The following XRCC5 variants were observed in gnomAD, a reference collection of about 807,000 sequenced individuals.
XRCC5 encodes DNA repair protein Ku80.
A neutral mutation model predicts 95.7 loss-of-function variants in XRCC5; 12 were observed. The observed-to-expected ratio is 0.13, with a 90% confidence interval of 0.08 to 0.20. XRCC5 has a LOEUF of 0.20. Ranked by LOEUF, XRCC5 falls within the 10% of genes least tolerant of loss-of-function variation. XRCC5 has a pLI of 1.00. For synonymous variants in XRCC5, 281 were observed against 290.3 expected (o/e 0.97, Z 0.33); for missense variants, 595 against 873.9 (o/e 0.68, Z 4.02).
intron 19 of XRCC5, among the ~76,000 whole-genome samples, chr2:216,202,445 CATAT>C (rs746932381): frequency 2.0e-5 from 3 of 152,258 alleles, no homozygotes; most frequent in Non-Finnish European, 2.9e-5. Context: ...ACAGATAAAT[CATAT>C]GCTAGTAAAT....
chr2:216,204,284 A>T (rs556975922), intron 19 of XRCC5, 38 bp from the exon 20 acceptor site: 2 of 1,611,730 alleles, frequency 1.2e-6, no homozygotes, highest in South Asian at 2.2e-5. Context: ...AGGGGCAAAA[A>T]TATCATTTTG....
chr2:216,198,533 TTTTATTTATTTA>T lies in XRCC5; in HGVS notation c.2109+3576_2109+3587del, dbSNP rs3080564. On this transcript the variant is annotated intron_variant, in intron 19 of 20. Coordinates refer to ENST00000392132, the MANE Select transcript of XRCC5 (RefSeq NM_021141.4). ...ACTTGATCCTTTGTATGAAAAATGC[TTTTATTTATTTA>T]TTTATTTATTTATTTATTTATTTAT... Among the ~76,000 whole-genome samples, 439 of 147,888 alleles carry T rather than the reference TTTTATTTATTTA, an allele frequency of 3.0e-3. 2 individuals are homozygous for T. The highest frequency in any genetic ancestry group is 7.9e-3 in the African/African-American group (317 of 40,260).
intron 16 of XRCC5, among the ~76,000 whole-genome samples, chr2:216,168,404 T>A (rs924980958): frequency 6.6e-6 from 1 of 152,132 alleles, no homozygotes; most frequent in East Asian, 1.9e-4. Context: ...GATGAAATCA[T>A]TGAAATAGAG....
chr2:216,160,020 TG>T, intron 14 of XRCC5, 47 bp from the exon 15 acceptor site: 2 of 1,006,268 alleles, frequency 2.0e-6, no homozygotes, highest in East Asian at 2.8e-5. Context: ...AATAGCAATC[TG>T]GTTTTGTATT....
At chr2:216,113,660 G>T (rs1696634222) in intron 2 of XRCC5, among the ~76,000 whole-genome samples, 1 of 152,218 alleles carries the variant, frequency 6.6e-6, no homozygotes, top group Admixed American at 6.5e-5. Flanking sequence ...TGGGGCTGGA[G>T]TCACCCAAAG....
chr2:216,194,980 C>A lies in XRCC5; in HGVS notation c.2103C>A (p.Ala701=). 1.9e-6 allele frequency: 3 copies of A among 1,613,522 alleles called. No homozygotes were observed. The highest frequency in any genetic ancestry group is 2.5e-6 in the Non-Finnish European group (3 of 1,179,732). ...ASGSSVTAEE[A]KKFLAPKDKP... ...GAAGTTCTGTCACAGCTGAGGAAGC[C>A]AAAAAGGTATTGAGGGGTAAACCTT... Residue 701 remains alanine (A), a synonymous_variant, in exon 19 of 21, where the codon GCC becomes GCA. Transcript: ENST00000392132.
At chr2:216,148,934 T>C (rs1688690061) in intron 14 of XRCC5, among the ~76,000 whole-genome samples, 1 of 152,230 alleles carries the variant, frequency 6.6e-6, no homozygotes, top group Non-Finnish European at 1.5e-5. Context: ...AAATTGTTGT[T>C]GCTTATCCAG....
At chr2:216,172,190 A>ACATT (rs1263428835) in intron 16 of XRCC5, among the ~76,000 whole-genome samples, 3 of 152,242 alleles carry the variant, frequency 2.0e-5, no homozygotes, top group African/African-American at 7.2e-5. Flanking sequence ...CGGTGGTGGA[A>ACATT]CATTCTATAG....
intron 14 of XRCC5, among the ~76,000 whole-genome samples, chr2:216,156,140 C>A (rs1302069605): frequency 6.6e-6 from 1 of 152,220 alleles, no homozygotes; most frequent in Admixed American, 6.5e-5. Context: ...TACTTTCATA[C>A]AGATTTCACA....
At chr2:216,144,010 C>T (rs1457183356) in intron 13 of XRCC5, among the ~76,000 whole-genome samples, 1 of 152,064 alleles carries the variant, frequency 6.6e-6, no homozygotes, top group Non-Finnish European at 1.5e-5. Flanking sequence ...CCACTGCACC[C>T]GGCCAAGCTT....
chr2:216,125,347 G>A (rs903513379), intron 6 of XRCC5, among the ~76,000 whole-genome samples: 5 of 152,062 alleles, frequency 3.3e-5, no homozygotes, highest in South Asian at 4.2e-4. Context: ...ACAGCCATGC[G>A]CCACCACACC....
chr2:216,191,514 G>A lies in XRCC5; in HGVS notation c.1945-1125G>A, dbSNP rs1026605260. Among the ~76,000 whole-genome samples the A allele has an allele frequency of 8.6e-5, 13 of 151,636 alleles. 1 individual carries two copies. Among genetic ancestry groups the A allele is most frequent in the South Asian group, 6.3e-4 (3 of 4,800 alleles). On this transcript the variant is annotated intron_variant, in intron 17 of 20. Transcript: ENST00000392132. Reference sequence around the variant, plus strand: ...CAACCTCTGCCTCCCAGGCTCAAGCGATTCTCCTGCCTCAGCCTCCCGAGT... The same window carrying A: ...CAACCTCTGCCTCCCAGGCTCAAGCAATTCTCCTGCCTCAGCCTCCCGAGT...
intron 13 of XRCC5, among the ~76,000 whole-genome samples, chr2:216,146,183 C>T (rs1443243070): frequency 2.0e-5 from 3 of 152,108 alleles, no homozygotes; most frequent in Admixed American, 6.5e-5. Flanking sequence ...AATGAATATA[C>T]TATGGAGAAG....
chr2:216,154,452 G>T (rs760249783), intron 14 of XRCC5, among the ~76,000 whole-genome samples: 7 of 152,188 alleles, frequency 4.6e-5, no homozygotes, highest in Non-Finnish European at 1.0e-4. Flanking sequence ...GCTCTTAATA[G>T]CATCGCCCAC....
chr2:216,141,349 T>A (rs1034860490), intron 13 of XRCC5, 30 bp downstream of exon 13: 1 of 1,613,118 alleles, frequency 6.2e-7, no homozygotes, highest in Non-Finnish European at 8.5e-7. Flanking sequence ...CAAGTCATAT[T>A]TCTTTTAAAT....
intron 16 of XRCC5, among the ~76,000 whole-genome samples, chr2:216,172,409 G>A (rs963552363): frequency 1.6e-4 from 23 of 147,382 alleles, no homozygotes; most frequent in African/African-American, 5.5e-4. Flanking sequence ...TTCTAAAAAT[G>A]TTTTAACTAC....
In XRCC5 at chr2:216,117,739, A is replaced by T. The variant is rs754961401; in HGVS notation, c.320-7A>T. The T allele has an allele frequency of 2.5e-6, 4 of 1,613,826 alleles. No individual in the cohort carries two copies. The Admixed American group carries it at 5.0e-5, about 20-fold the overall frequency. ...TTTGGTGATATCCCTATCCTTAACTAGCTGAGTCCTGGATGCACTAATCGT... is the reference window on the plus strand; with the variant it reads ...TTTGGTGATATCCCTATCCTTAACTTGCTGAGTCCTGGATGCACTAATCGT... On this transcript the variant is annotated splice_region_variant and splice_polypyrimidine_tract_variant and intron_variant, in intron 3 of 20. Transcript: ENST00000392132.
At chr2:216,143,100 GGTT>G (rs1697197492) in intron 13 of XRCC5, among the ~76,000 whole-genome samples, 1 of 152,204 alleles carries the variant, frequency 6.6e-6, no homozygotes, top group Non-Finnish European at 1.5e-5. Flanking sequence ...GCACTGTAAA[GGTT>G]GTCTACCCTT....
At chr2:216,163,070 A>T (rs193033848) in intron 16 of XRCC5, among the ~76,000 whole-genome samples, 1 of 152,040 alleles carries the variant, frequency 6.6e-6, no homozygotes, top group Admixed American at 6.6e-5. Context: ...TACGTATGTG[A>T]GTGTTTATGT....
Sources: allele counts gnomAD v4.1 joint callset (sites outside exome capture counted in the v4.1 genomes callset), GRCh38; gene constraint gnomAD v4.1.1; transcripts MANE v1.5; gene names NCBI Gene and HGNC (gene_info 2026-07-23, HGNC 2026-07-21).